The following TMPO variants were observed in gnomAD, a reference collection of about 807,000 sequenced individuals.
TMPO encodes thymopoietin, also known as LEM domain containing 4.
In TMPO, 22 loss-of-function variants were observed where a neutral mutation model predicts 45.4. The observed-to-expected ratio is 0.48, with a 90% CI of 0.35 to 0.69. The LOEUF (loss-of-function observed/expected upper bound fraction) is 0.69, where lower values mean the gene tolerates loss of function less well. TMPO is among the 30% of genes least tolerant of loss of function. The pLI is 0.01. For synonymous variants in TMPO, 241 were observed against 204.1 expected, an observed-to-expected ratio of 1.18 and a Z score of -1.54; for missense variants, 512 against 548.8, an observed-to-expected ratio of 0.93 and a Z score of 0.67.
Position 98,531,804 on chromosome 12 carries a change from T to C in TMPO, c.531T>C (p.Ser177=). 1.2e-6 allele frequency: 2 copies of C among 1,613,794 alleles called. No homozygotes were observed. The highest frequency in any genetic ancestry group is 1.7e-6 in the Non-Finnish European group (2 of 1,179,836). Residue 177 remains serine, a synonymous_variant, in exon 3 of 9, where the codon AGT becomes AGC. Transcript: ENST00000556029. ...CAGAAAATACAAGGCAGAATGGAAG[T>C]AATGATTCTGACAGATACAGTGACA... ...SSAENTRQNG[S]NDSDRYSDNE...
intron 3 of TMPO, chr12:98,532,106 A>C: frequency 2.6e-6 from 1 of 384,992 alleles, no homozygotes; most frequent in Non-Finnish European, 4.8e-6. Flanking sequence ...GAGAGAATAA[A>C]GTATTACAAG....
In TMPO at chr12:98,547,727, C is replaced by A; in HGVS notation, c.1234C>A (p.Pro412Thr). Reference sequence around the variant, plus strand: ...AAAGACAAAAAAGGGACGCTCCATTCCCGTATGGATAAAAATTTTGCTGTT... The same window carrying A: ...AAAGACAAAAAAGGGACGCTCCATTACCGTATGGATAAAAATTTTGCTGTT... ...SEKTKKGRSIPVWIKILLFVV... is the reference protein window; with the variant it reads ...SEKTKKGRSITVWIKILLFVV... Residue 412 changes from proline (P) to threonine (T), a missense_variant, in exon 9 of 9, where the codon CCC becomes ACC. Pro to Thr is a conservative substitution (Grantham distance 38). Around this residue, in one of 3 missense-constraint regions of TMPO, gnomAD observed 209 missense variants for 235.1 expected, o/e 0.89. Coordinates refer to ENST00000556029, the MANE Select transcript of TMPO (RefSeq NM_001032283.3). 6.2e-7 allele frequency: 1 copy of A among 1,614,156 alleles called. No individual in the cohort carries two copies. The highest frequency in any genetic ancestry group is 8.5e-7 in the Non-Finnish European group (1 of 1,180,034).
At chr12:98,519,752 G>T (rs1193240150) in intron 1 of TMPO, among the ~76,000 whole-genome samples, 1 of 152,112 alleles carries the variant, frequency 6.6e-6, no homozygotes, top group Non-Finnish European at 1.5e-5. Flanking sequence ...AAGTACAAGT[G>T]AGTTATAATT....
chr12:98,531,553 T>C, intron 2 of TMPO, 127 bp from the exon 3 acceptor site: 1 of 1,037,980 alleles, frequency 9.6e-7, no homozygotes, highest in Non-Finnish European at 1.4e-6. Flanking sequence ...TGGTATTTTT[T>C]TTTTTAAGAA....
At chr12:98,544,658 T>C in intron 6 of TMPO, 121 bp downstream of exon 6, 1 of 843,552 alleles carries the variant, frequency 1.2e-6, no homozygotes, top group South Asian at 1.7e-5. Flanking sequence ...TTTAACAATT[T>C]TAAACTGATT....
At position 98,528,020 on chromosome 12, in the gene TMPO, G is replaced by C. The variant is rs1310787846; in HGVS notation, c.406+8G>C. 1 of 1,613,748 alleles carries C rather than the reference G, an allele frequency of 6.2e-7. No individual in the cohort carries two copies. The highest frequency in any genetic ancestry group is 1.1e-5 in the South Asian group (1 of 91,044). On this transcript the variant is annotated splice_region_variant and intron_variant, in intron 2 of 8. Coordinates refer to ENST00000556029, the MANE Select transcript of TMPO (RefSeq NM_001032283.3). ...ATCCTGGTCCTATTGTGGGTAAGTT[G>C]ATAAAATTTCAAATACAGTATCTTT... is the stretch of plus-strand genomic sequence containing the variant.
intron 1 of TMPO, among the ~76,000 whole-genome samples, chr12:98,520,769 A>G (rs989251827): frequency 6.6e-6 from 1 of 150,828 alleles, no homozygotes; most frequent in African/African-American, 2.4e-5. Flanking sequence ...TATTTTTAGT[A>G]AAGACTGTTA....
At chr12:98,537,378 A>T in intron 3 of TMPO, 97 bp from the exon 4 acceptor site, 1 of 987,298 alleles carries the variant, frequency 1.0e-6, no homozygotes, top group Non-Finnish European at 1.5e-6. Flanking sequence ...TTCACCTTTT[A>T]ATGTGCCTAA....
At chr12:98,521,271 C>T (rs982532646) in intron 1 of TMPO, among the ~76,000 whole-genome samples, 2 of 151,012 alleles carry the variant, frequency 1.3e-5, no homozygotes, top group East Asian at 1.9e-4. Flanking sequence ...GCCACCACCC[C>T]CGGCTAATTT....
Position 98,547,693 on chromosome 12 carries a change from C to G in TMPO, c.1200C>G (p.Val400=), listed in dbSNP as rs1565818359. The stretch of plus-strand genomic sequence containing the variant: ...CTAAGTATGTTCCCTTGGCAGATGT[C>G]AAGTCAGAAAAGACAAAAAAGGGAC... The part of the protein sequence containing the change: ...YVPKYVPLAD[V]KSEKTKKGRS... Residue 400 remains valine (V), a synonymous_variant, in exon 9 of 9, where the codon GTC becomes GTG. Coordinates refer to ENST00000556029, the MANE Select transcript of TMPO (RefSeq NM_001032283.3). 6.2e-7 allele frequency: 1 copy of G among 1,614,118 alleles called. No homozygotes were observed. Among genetic ancestry groups the G allele is most frequent in the Non-Finnish European group, 8.5e-7 (1 of 1,180,034 alleles).
intron 4 of TMPO, among the ~76,000 whole-genome samples, chr12:98,543,982 A>G (rs1878072410): frequency 6.6e-6 from 1 of 152,148 alleles, no homozygotes; most frequent in Non-Finnish European, 1.5e-5. Flanking sequence ...TTTTTTTCCC[A>G]TAATGTTTAT....
chr12:98,544,875 AAT>A, intron 6 of TMPO, 74 bp from the exon 7 acceptor site: 1 of 1,206,366 alleles, frequency 8.3e-7, no homozygotes, highest in East Asian at 2.3e-5. Context: ...ACAGAGATAA[AAT>A]ATCTTTCTTT....
At chr12:98,533,235 A>C in intron 3 of TMPO, 2 of 1,614,054 alleles carry the variant, frequency 1.2e-6, no homozygotes, top group Non-Finnish European at 1.7e-6. Context: ...AAGACATAGT[A>C]GAAAATATTT....
chr12:98,524,170 G>T (rs189011340), intron 1 of TMPO, among the ~76,000 whole-genome samples: 1 of 152,190 alleles, frequency 6.6e-6, no homozygotes, highest in South Asian at 2.1e-4. Flanking sequence ...TCTGTTGCTT[G>T]CCTCAATGCT....
chr12:98,533,594 T>C, intron 3 of TMPO: 2 of 1,614,220 alleles, frequency 1.2e-6, no homozygotes, highest in Non-Finnish European at 8.5e-7. Context: ...GGTTCCTTTG[T>C]GGCATTTCAG....
At chr12:98,538,614 A>T (rs545847603) in intron 4 of TMPO, among the ~76,000 whole-genome samples, 23 of 152,098 alleles carry the variant, frequency 1.5e-4, no homozygotes, top group African/African-American at 4.1e-4. Flanking sequence ...TGGCCTCCGA[A>T]AGTGCTGGGA....
At chr12:98,517,421 T>C (rs1400292391) in intron 1 of TMPO, among the ~76,000 whole-genome samples, 2 of 152,186 alleles carry the variant, frequency 1.3e-5, no homozygotes, top group African/African-American at 4.8e-5. Flanking sequence ...TAGTAATTGG[T>C]GTAACATAAA....
Position 98,515,843 on chromosome 12 carries a change from G to A in TMPO, c.-25G>A, listed in dbSNP as rs1875740279. 6.2e-7 allele frequency: 1 copy of A among 1,602,064 alleles called. No homozygotes were observed. The highest frequency in any genetic ancestry group is 1.7e-5 in the Admixed American group (1 of 58,528). On this transcript the variant is annotated 5_prime_UTR_variant, in exon 1 of 9. Coordinates refer to ENST00000556029, the MANE Select transcript of TMPO (RefSeq NM_001032283.3). ...TGAGCGGCGGCGGCAAAGGCTGTGG[G>A]GAGGGGGCTTCGCAGATCCCCGAGA...
intron 4 of TMPO, among the ~76,000 whole-genome samples, chr12:98,539,091 T>C (rs1877745466): frequency 6.6e-6 from 1 of 151,860 alleles, no homozygotes; most frequent in Non-Finnish European, 1.5e-5. Context: ...TCCTAGCTAC[T>C]CCGGAGGCTG....
Sources: gnomAD v4.1 joint callset for allele counts (sites outside exome capture counted in the v4.1 genomes callset) on GRCh38, gnomAD v4.1.1 for gene constraint, gnomAD v4.1.1 regional missense constraint, MANE v1.5 for transcripts, NCBI Gene and HGNC (gene_info 2026-07-23, HGNC 2026-07-21) for gene names.